Variants in CDH4 observed in about 807,000 individuals in gnomAD.
CDH4 encodes the protein cadherin-4.
A neutral mutation model predicts 86.0 loss-of-function variants in CDH4; 33 were observed. The ratio of observed to expected loss-of-function variants is 0.38; its 90% confidence interval spans 0.29 to 0.51. The LOEUF is 0.51. Among genes scored for constraint, CDH4 ranks in the 20% least tolerant of loss-of-function variants. The pLI, the probability that CDH4 is intolerant of heterozygous loss-of-function variation, is 0.86. For missense variants in CDH4, 1,114 were observed against 1,307.4 expected, an observed-to-expected ratio of 0.85 and a Z score of 2.28; for synonymous variants, 555 against 549.4, an observed-to-expected ratio of 1.01 and a Z score of -0.14.
intron 2 of CDH4, among the ~76,000 whole-genome samples, chr20:61,282,546 C>CGT (rs1568780355): frequency 5.1e-4 from 2 of 3,910 alleles, no homozygotes; most frequent in African/African-American, 1.0e-3. Flanking sequence ...GGTGTGTGTG[C>CGT]ATGTGTGTGT....
At chr20:61,441,080 C>T (rs768712027) in intron 2 of CDH4, among the ~76,000 whole-genome samples, 11 of 152,216 alleles carry the variant, frequency 7.2e-5, no homozygotes, top group Non-Finnish European at 1.3e-4. Flanking sequence ...TTATCCATTT[C>T]AGAGCAGAGA....
chr20:61,484,273 G>T (rs553875051), intron 2 of CDH4, among the ~76,000 whole-genome samples: 1 of 152,000 alleles, frequency 6.6e-6, no homozygotes, highest in Non-Finnish European at 1.5e-5. Flanking sequence ...ATTCTTTTGC[G>T]CTTTCATCTC....
chr20:61,455,752 G>A (rs771574547), intron 2 of CDH4, among the ~76,000 whole-genome samples: 1 of 152,180 alleles, frequency 6.6e-6, no homozygotes, highest in Non-Finnish European at 1.5e-5. Context: ...ATGGGGTGGT[G>A]CCACCCCCAT....
chr20:61,408,341 G>A (rs923389943), intron 2 of CDH4, among the ~76,000 whole-genome samples: 2 of 152,158 alleles, frequency 1.3e-5, no homozygotes, highest in African/African-American at 2.4e-5. Context: ...TTTAACTTGG[G>A]GGGTGGTGTT....
intron 5 of CDH4, among the ~76,000 whole-genome samples, chr20:61,845,366 G>A (rs1982394093): frequency 1.3e-5 from 2 of 152,236 alleles, no homozygotes; most frequent in Admixed American, 6.5e-5. Flanking sequence ...CAGGGGCTGT[G>A]CACGGAAAGA....
chr20:61,659,142 C>T (rs890516702), intron 2 of CDH4, among the ~76,000 whole-genome samples: 5 of 152,122 alleles, frequency 3.3e-5, no homozygotes, highest in African/African-American at 1.2e-4. Context: ...ACAGCAACAC[C>T]CAAGAGACAG....
At chr20:61,500,612 GAC>G (rs2085694007) in intron 2 of CDH4, among the ~76,000 whole-genome samples, 1 of 151,440 alleles carries the variant, frequency 6.6e-6, no homozygotes, top group Non-Finnish European at 1.5e-5. Flanking sequence ...TTCCTCTCAA[GAC>G]ACAGAGAGGA....
chr20:61,696,234 C>T (rs1218959678), intron 2 of CDH4, among the ~76,000 whole-genome samples: 3 of 152,234 alleles, frequency 2.0e-5, no homozygotes. Context: ...AACCGCCCCC[C>T]ACAAACCAAC....
At chr20:61,911,689 G>A (rs4003419) in intron 9 of CDH4, among the ~76,000 whole-genome samples, 84,360 of 86,882 alleles carry the variant, frequency 0.97, 40,951 homozygotes, top group East Asian at 0.99. Context: ...AGGATATGCC[G>A]AAGCATAAGG....
intron 2 of CDH4, among the ~76,000 whole-genome samples, chr20:61,433,279 C>T (rs1181141366): frequency 1.3e-5 from 2 of 152,132 alleles, no homozygotes; most frequent in African/African-American, 2.4e-5. Context: ...GAAATTACCT[C>T]GGCGGTTTTG....
intron 2 of CDH4, among the ~76,000 whole-genome samples, chr20:61,712,126 A>G (rs2087900067): frequency 2.0e-5 from 3 of 152,158 alleles, no homozygotes; most frequent in Admixed American, 6.5e-5. Flanking sequence ...CACGTGGATG[A>G]TGGAACTGAG....
chr20:61,254,832 A>G lies in CDH4; in HGVS notation c.64A>G (p.Asn22Asp), dbSNP rs768547142. 2.5e-6 allele frequency: 4 copies of G among 1,592,096 alleles called. No homozygotes were observed. The South Asian group carries it at 4.4e-5, about 18-fold the overall frequency. ...CTCCCCTTTGTGTTCTCAGGCCCAT[A>G]ATGAGGATCTTACAACTAGAGAGAC... The part of the protein sequence containing the change: ...LSLSGALRAH[N>D]EDLTTRETCK... Residue 22 changes from asparagine to aspartate, a missense_variant, in exon 2 of 16, where the codon AAT becomes GAT. Around this residue, in one of 3 missense-constraint regions of CDH4, gnomAD observed 221 missense variants for 209.5 expected, o/e 1.05. Coordinates refer to ENST00000614565, the MANE Select transcript of CDH4 (RefSeq NM_001794.5).
intron 7 of CDH4, among the ~76,000 whole-genome samples, chr20:61,891,471 C>T (rs1435860513): frequency 6.6e-6 from 1 of 152,232 alleles, no homozygotes; most frequent in African/African-American, 2.4e-5. Context: ...CTGCAGTCCT[C>T]CCCCCTTCTC....
At chr20:61,440,351 G>A (rs1293409787) in intron 2 of CDH4, among the ~76,000 whole-genome samples, 1 of 152,128 alleles carries the variant, frequency 6.6e-6, no homozygotes, top group South Asian at 2.1e-4. Context: ...TTGCAATGGG[G>A]CTCTGAAAGG....
Position 61,392,710 on chromosome 20 carries a change from T to C in CDH4, c.169+137773T>C, listed in dbSNP as rs564457823. On this transcript the variant is annotated intron_variant, in intron 2 of 15. Coordinates refer to ENST00000614565, the MANE Select transcript of CDH4 (RefSeq NM_001794.5). This position sits in a 1 kb window ranked among gnomAD's most constrained non-coding sequence, Gnocchi z 5.7. ...TTCTGATTCAAAAGACATTTTCCCG[T>C]GCTGTTAAATTTGAACCTTGGACTG... Among the ~76,000 whole-genome samples the C allele has an allele frequency of 4.9e-4, 74 of 152,330 alleles. No individual in the cohort carries two copies. The highest frequency in any genetic ancestry group is 1.7e-3 in the African/African-American group (69 of 41,578).
chr20:61,931,702 G>A (rs1042261557), intron 13 of CDH4, among the ~76,000 whole-genome samples: 3 of 152,146 alleles, frequency 2.0e-5, no homozygotes, highest in African/African-American at 7.2e-5. Context: ...GCAGATGGGT[G>A]CGCCAGGCTT....
intron 2 of CDH4, among the ~76,000 whole-genome samples, chr20:61,279,848 G>A (rs751256261): frequency 5.9e-5 from 9 of 152,180 alleles, no homozygotes; most frequent in Non-Finnish European, 1.3e-4. Flanking sequence ...TGTGAGTAAC[G>A]GGGTGATTGC....
rs554615628 is a variant in CDH4, at chr20:61,898,819, T to G, written c.1188+3772T>G. On this transcript the variant is annotated intron_variant, in intron 8 of 15. Transcript: ENST00000614565. ...AAGTTTAAGACTTCAGCAATATAAA[T>G]CTGCTCTAAAAATGCCATGGGTGGT... 2.0e-5 allele frequency among the ~76,000 whole-genome samples: 3 copies of G among 152,280 alleles called. No homozygotes were observed. In the East Asian group the frequency reaches 5.8e-4, roughly 29 times the overall value.
At chr20:61,354,185 C>A (rs904733823) in intron 2 of CDH4, among the ~76,000 whole-genome samples, 3 of 152,082 alleles carry the variant, frequency 2.0e-5, no homozygotes, top group Non-Finnish European at 4.4e-5. Flanking sequence ...CCCCACCCCC[C>A]AGAGGCCCAA....
Sources: allele counts gnomAD v4.1 joint callset (sites outside exome capture counted in the v4.1 genomes callset), GRCh38; gene constraint gnomAD v4.1.1; regional missense constraint gnomAD v4.1.1; non-coding constraint Gnocchi (gnomAD v3.1); transcripts MANE v1.5; gene names NCBI Gene and HGNC (gene_info 2026-07-23, HGNC 2026-07-21).